The following LENG8 variants were observed in gnomAD, a reference collection of about 807,000 sequenced individuals.
LENG8 encodes leukocyte receptor cluster member 8.
LENG8 carries 28 observed loss-of-function variants against 102.1 expected under a neutral mutation model. The observed-to-expected ratio is 0.27, with a 90% CI of 0.20 to 0.38. The LOEUF (loss-of-function observed/expected upper bound fraction) is 0.38, where lower values mean the gene tolerates loss of function less well. Ranked by LOEUF, LENG8 falls within the 10% of genes least tolerant of loss-of-function variation. The pLI is 1.00. For synonymous variants in LENG8, 531 were observed against 456.7 expected (o/e 1.16, Z -2.07); for missense variants, 1,022 against 1,113.9 (o/e 0.92, Z 1.17).
chr19:54,454,807 G>T, intron 6 of LENG8, 125 bp downstream of exon 6: 1 of 1,423,692 alleles, frequency 7.0e-7, no homozygotes, highest in Non-Finnish European at 9.5e-7. Flanking sequence ...TGGGGGTGGG[G>T]CTGCTCTGGA....
In LENG8 at chr19:54,461,090, A is replaced by T; in HGVS notation, c.*162A>T. The T allele has an allele frequency of 9.2e-7, 1 of 1,089,548 alleles. No homozygotes were observed. Among genetic ancestry groups the T allele is most frequent in the Non-Finnish European group, 1.3e-6 (1 of 749,604 alleles). 67.5% of individuals were successfully genotyped at this position (1,089,548 alleles called of 1,614,324 possible). A position where few individuals can be genotyped will look rare whatever the true frequency, so the allele number is the denominator to read the frequency against. The stretch of plus-strand genomic sequence containing the variant: ...CCCGTTTTCCCACCGGGGAGTCTGT[A>T]CAGAGATTTTTCTACGTTTTTATTT... On this transcript the variant is annotated 3_prime_UTR_variant, in exon 16 of 16. Transcript: ENST00000326764.
At chr19:54,449,551 C>CG (rs924141803) in intron 1 of LENG8, 1 of 152,014 alleles carries the variant, frequency 6.6e-6, no homozygotes, top group African/African-American at 2.4e-5. Context: ...TTGGAGTTCT[C>CG]GGGGCCCCGG....
chr19:54,451,466 C>T (rs1024424231), intron 2 of LENG8, 84 bp downstream of exon 2: 70 of 1,437,416 alleles, frequency 4.9e-5, no homozygotes, highest in African/African-American at 4.2e-4. Flanking sequence ...TGGGACCTCC[C>T]GTGGCCTTAG....
At position 54,454,515 on chromosome 19, in the gene LENG8, A is replaced by T. The variant is rs1481881330; in HGVS notation, c.512A>T (p.Asn171Ile). 12 of 1,613,710 alleles carry T rather than the reference A, an allele frequency of 7.4e-6. No homozygotes were observed. Among genetic ancestry groups the T allele is most frequent in the Non-Finnish European group, 1.0e-5 (12 of 1,179,926 alleles). ...TCGGCTCAGCCCCCTCAGCCCTCAA[A>T]TCCCCCACATGGGGCTCACACGCTG... is the stretch of plus-strand genomic sequence containing the variant. The part of the protein sequence containing the change: ...LPSAQPPQPS[N>I]PPHGAHTLNS... Residue 171 changes from asparagine to isoleucine, a missense_variant, in exon 6 of 16, where the codon AAT becomes ATT. Transcript: ENST00000326764.
intron 8 of LENG8, 40 bp from the exon 9 acceptor site, chr19:54,455,927 C>T (rs1446660713): frequency 1.3e-6 from 2 of 1,581,174 alleles, no homozygotes; most frequent in East Asian, 2.3e-5. Flanking sequence ...CTGCCAGTGT[C>T]TGGCGGGGTT....
chr19:54,452,885 C>G, intron 4 of LENG8, 133 bp downstream of exon 4: 1 of 678,076 alleles, frequency 1.5e-6, no homozygotes, highest in Non-Finnish European at 2.6e-6. Flanking sequence ...TGCTCAGAAA[C>G]CCTCTAACTT....
rs754044546 is a variant in LENG8, at chr19:54,452,106, A to G, written c.52A>G (p.Ser18Gly). 3 of 1,613,796 alleles carry G rather than the reference A, an allele frequency of 1.9e-6. No homozygotes were observed. The highest frequency in any genetic ancestry group is 4.5e-5 in the East Asian group (2 of 44,892). The stretch of plus-strand genomic sequence containing the variant: ...CTCTCTCTGCAGGTCTTCTCAGTAC[A>G]GCATGGTGGCTGGGGCAGGCCGAGA... The part of the protein sequence containing the change: ...QRSTDWSSQY[S>G]MVAGAGRENG... Residue 18 changes from serine to glycine, a missense_variant, in exon 3 of 16, where the codon AGC (serine) becomes GGC (glycine). Ser to Gly is a moderately conservative substitution (Grantham distance 56, BLOSUM62 0). Around this residue, in one of 7 missense-constraint regions of LENG8, gnomAD observed 37 missense variants for 46.3 expected, o/e 0.80. Transcript: ENST00000326764.
Position 54,451,289 on chromosome 19 carries a change from G to C in LENG8, c.-55-1G>C. On this transcript the variant is annotated splice_acceptor_variant, in intron 1 of 15. Transcript: ENST00000326764. LOFTEE classifies it low-confidence loss of function (5UTR_SPLICE). ...TCCCTAACTCATTCTTTTTCTCATA[G>C]ACAGTGAAAAAGCAGTCTGGCTCCC... 1 of 1,572,818 alleles carries C rather than the reference G, an allele frequency of 6.4e-7. No homozygotes were observed. Among genetic ancestry groups the C allele is most frequent in the South Asian group, 1.1e-5 (1 of 90,274 alleles).
rs115588277 is a variant in LENG8, at chr19:54,454,838, G to A, written c.680-113G>A. 2,946 of 1,466,992 alleles carry A rather than the reference G, an allele frequency of 2.0e-3. 47 individuals carry two copies. In the African/African-American group the frequency reaches 0.036, roughly 18 times the overall value. 90.9% of individuals were successfully genotyped at this position (1,466,992 alleles called of 1,614,324 possible). On this transcript the variant is annotated intron_variant, in intron 6 of 15. Coordinates refer to ENST00000326764, the MANE Select transcript of LENG8 (RefSeq NM_052925.4). ...CTGGACCAGGCACATGTGTGCTGGA[G>A]CCCTCCTCTAGAACCTGAGCGCTCC...
At chr19:54,458,828 T>C (rs1569305769) in intron 15 of LENG8, 5 of 1,550,896 alleles carry the variant, frequency 3.2e-6, no homozygotes, top group Non-Finnish European at 4.4e-6. Context: ...CTGGACCCCC[T>C]AGTTCACTCC....
Position 54,461,725 on chromosome 19 carries a change from C to G in LENG8, c.*797C>G, listed in dbSNP as rs1200993088. On this transcript the variant is annotated 3_prime_UTR_variant, in exon 16 of 16. Transcript: ENST00000326764. ...CCTGCCTTCATGGATCACCAGCTCA[C>G]GTCATGTTGCCTTCTCTTTTCTTTG... is the stretch of plus-strand genomic sequence containing the variant. 4.0e-6 allele frequency: 2 copies of G among 502,292 alleles called. No homozygotes were observed. Among genetic ancestry groups the G allele is most frequent in the Admixed American group, 2.3e-5 (1 of 43,318 alleles). 31.1% of individuals were successfully genotyped at this position (502,292 alleles called of 1,614,324 possible). A position where few individuals can be genotyped will look rare whatever the true frequency, so the allele number is the denominator to read the frequency against.
intron 1 of LENG8, among the ~76,000 whole-genome samples, chr19:54,450,991 C>G (rs992854275): frequency 4.6e-5 from 7 of 152,198 alleles, no homozygotes; most frequent in Non-Finnish European, 1.0e-4. Context: ...ATCACAGCCT[C>G]TCTTTGCTCA....
At chr19:54,456,608 G>A (rs199888841) in intron 10 of LENG8, 28 bp from the exon 11 acceptor site, 34 of 1,590,684 alleles carry the variant, frequency 2.1e-5, no homozygotes, top group South Asian at 3.4e-5. Context: ...GACGCCTGTC[G>A]CGCTCACTGC....
Position 54,455,390 on chromosome 19 carries a change from C to G in LENG8, c.848C>G (p.Ser283Cys), listed in dbSNP as rs905720559. 1 of 1,614,162 alleles carries G rather than the reference C, an allele frequency of 6.2e-7. No homozygotes were observed. The highest frequency in any genetic ancestry group is 1.3e-5 in the African/African-American group (1 of 75,036). Residue 283 changes from serine (S) to cysteine (C), a missense_variant, in exon 8 of 16, where the codon TCT becomes TGT. Transcript: ENST00000326764. ...GGGTCCTCTGCCCGGGGGAACCTGTCTGGGAAGCCGGATGACTGGCCCCAG... is the reference window on the plus strand; with the variant it reads ...GGGTCCTCTGCCCGGGGGAACCTGTGTGGGAAGCCGGATGACTGGCCCCAG... ...HSGSSARGNL[S>C]GKPDDWPQDM...
At chr19:54,451,410 A>T (rs764984734) in intron 2 of LENG8, 28 bp downstream of exon 2, 26 of 1,612,330 alleles carry the variant, frequency 1.6e-5, no homozygotes, top group Non-Finnish European at 2.2e-5. Flanking sequence ...GATGGAGGCC[A>T]GTCGGGAGGG....
intron 1 of LENG8, among the ~76,000 whole-genome samples, chr19:54,450,985 C>G (rs1748232858): frequency 6.6e-6 from 1 of 152,184 alleles, no homozygotes; most frequent in Admixed American, 6.5e-5. Flanking sequence ...CCTTTCATCA[C>G]AGCCTCTCTT....
chr19:54,458,769 G>A, intron 15 of LENG8: 3 of 1,551,138 alleles, frequency 1.9e-6, no homozygotes, highest in Non-Finnish European at 1.7e-6. Context: ...TGCCTCTGGG[G>A]CCTCTTCTCC....
At chr19:54,454,844 C>A in intron 6 of LENG8, 107 bp from the exon 7 acceptor site, 3 of 1,484,792 alleles carry the variant, frequency 2.0e-6, no homozygotes, top group Non-Finnish European at 2.8e-6. Flanking sequence ...TGGAGCCCTC[C>A]TCTAGAACCT....
At position 54,461,498 on chromosome 19, in the gene LENG8, C is replaced by T. The variant is rs1458140755; in HGVS notation, c.*570C>T. 4.3e-6 allele frequency: 2 copies of T among 468,064 alleles called. No homozygotes were observed. The highest frequency in any genetic ancestry group is 8.8e-6 in the Non-Finnish European group (2 of 226,720). The allele number at this position is 468,064 out of a possible 1,614,324, so 29.0% of individuals were successfully genotyped here. On this transcript the variant is annotated 3_prime_UTR_variant, in exon 16 of 16. Coordinates refer to ENST00000326764, the MANE Select transcript of LENG8 (RefSeq NM_052925.4). ...GCCCCCCACCCTGAAGTGCCAGCACCACCAGCACCAGATCCTCCGCCGCCA... is the reference window on the plus strand; with the variant it reads ...GCCCCCCACCCTGAAGTGCCAGCACTACCAGCACCAGATCCTCCGCCGCCA...
Sources: allele counts gnomAD v4.1 joint callset (sites outside exome capture counted in the v4.1 genomes callset), GRCh38; gene constraint gnomAD v4.1.1; regional missense constraint gnomAD v4.1.1; transcripts MANE v1.5; gene names NCBI Gene and HGNC (gene_info 2026-07-23, HGNC 2026-07-21).